UNC5D: variants seen among roughly 807,000 people sequenced by gnomAD.
The protein encoded by UNC5D is netrin receptor UNC5D.
Under a neutral mutation model 105.4 loss-of-function variants are expected in UNC5D, and 39 were observed. The ratio of observed to expected loss-of-function variants is 0.37; its 90% CI spans 0.29 to 0.48. The LOEUF (loss-of-function observed/expected upper bound fraction) is 0.48. Ranked by LOEUF, UNC5D falls within the 20% of genes least tolerant of loss-of-function variation. The probability of loss-of-function intolerance (pLI) is 0.98; values close to 1 mark genes in which losing one functional copy is unlikely to be tolerated. For synonymous variants in UNC5D, 452 were observed against 450.4 expected (o/e 1.00, Z -0.04); for missense variants, 991 against 1,202.4 (o/e 0.82, Z 2.60).
chr8:35,723,840 G>A (rs535057742), intron 9 of UNC5D, among the ~76,000 whole-genome samples: 1 of 152,024 alleles, frequency 6.6e-6, no homozygotes, highest in Non-Finnish European at 1.5e-5. Context: ...GCATAAGTCC[G>A]TAGGCTTTGA....
intron 7 of UNC5D, among the ~76,000 whole-genome samples, chr8:35,687,462 A>G (rs1317776554): frequency 6.6e-6 from 1 of 151,642 alleles, no homozygotes; most frequent in Non-Finnish European, 1.5e-5. Flanking sequence ...AAAAAAAAAA[A>G]AGTTATGGGG....
intron 16 of UNC5D, among the ~76,000 whole-genome samples, chr8:35,777,870 G>A (rs549678409): frequency 6.6e-6 from 1 of 152,270 alleles, no homozygotes; most frequent in African/African-American, 2.4e-5. Context: ...AAGAAAGAGG[G>A]AAGAAGATGA....
chr8:35,687,441 CA>C (rs34104800), intron 7 of UNC5D, among the ~76,000 whole-genome samples: 3,837 of 53,126 alleles, frequency 0.072, 66 homozygotes, highest in East Asian at 0.18. Context: ...GACTCCGTCT[CA>C]AAAAAAAAAA....
intron 1 of UNC5D, among the ~76,000 whole-genome samples, chr8:35,503,984 C>T (rs996912773): frequency 9.2e-5 from 14 of 152,272 alleles, no homozygotes; most frequent in South Asian, 2.1e-4. Context: ...TTATCACTCA[C>T]GCTTTTAACC....
chr8:35,593,648 G>C (rs1014998815), intron 3 of UNC5D, among the ~76,000 whole-genome samples: 2 of 152,090 alleles, frequency 1.3e-5, no homozygotes, highest in South Asian at 2.1e-4. Flanking sequence ...TGTAGCCCTA[G>C]CTACTTGGGA....
In UNC5D at chr8:35,611,797, C is replaced by T. The variant is rs543480353; in HGVS notation, c.570+16140C>T. The stretch of plus-strand genomic sequence containing the variant: ...CCAATTTGCTCTTTTCAAAACAATT[C>T]ATTATCCCACACTGCACTTTTTTAT... On this transcript the variant is annotated intron_variant, in intron 4 of 16. Coordinates refer to ENST00000404895, the MANE Select transcript of UNC5D (RefSeq NM_080872.4). Among the ~76,000 whole-genome samples the T allele has an allele frequency of 2.6e-5, 4 of 152,294 alleles. No homozygotes were observed. In the East Asian group the frequency reaches 7.7e-4, roughly 29 times the overall value.
At chr8:35,755,818 A>C (rs1035582481) in intron 13 of UNC5D, among the ~76,000 whole-genome samples, 3 of 152,240 alleles carry the variant, frequency 2.0e-5, no homozygotes, top group African/African-American at 7.2e-5. Flanking sequence ...GGTATTTAAC[A>C]GGAGGTCCTT....
At chr8:35,745,253 T>C (rs531029399) in intron 11 of UNC5D, among the ~76,000 whole-genome samples, 1 of 152,300 alleles carries the variant, frequency 6.6e-6, no homozygotes, top group African/African-American at 2.4e-5. Context: ...CATCAGTAGA[T>C]GTCAGTTAAG....
At chr8:35,618,134 C>G (rs1821143949) in intron 4 of UNC5D, among the ~76,000 whole-genome samples, 1 of 152,102 alleles carries the variant, frequency 6.6e-6, no homozygotes, top group East Asian at 1.9e-4. Context: ...TGCAGGGAAA[C>G]AAAAAACAGA....
At position 35,272,350 on chromosome 8, in the gene UNC5D, C is replaced by T. The variant is rs567003764; in HGVS notation, c.103+36463C>T. 3.9e-5 allele frequency among the ~76,000 whole-genome samples: 6 copies of T among 152,140 alleles called. No individual in the cohort carries two copies. The South Asian group carries it at 1.0e-3, about 26-fold the overall frequency. On this transcript the variant is annotated intron_variant, in intron 1 of 16. Coordinates refer to ENST00000404895, the MANE Select transcript of UNC5D (RefSeq NM_080872.4). The stretch of plus-strand genomic sequence containing the variant: ...TGGGCTCTGAGTGCAGACCAGCTTG[C>T]GGGAAGTTCACTGGTCACACCCTGG...
At chr8:35,547,020 C>G (rs1815732600) in intron 1 of UNC5D, among the ~76,000 whole-genome samples, 1 of 152,022 alleles carries the variant, frequency 6.6e-6, no homozygotes, top group South Asian at 2.1e-4. Flanking sequence ...CTCTTAAACT[C>G]TGTGTTATGT....
intron 4 of UNC5D, among the ~76,000 whole-genome samples, chr8:35,657,080 G>GTGTGTA (rs1281641556): frequency 1.4e-3 from 63 of 46,514 alleles, no homozygotes; most frequent in Non-Finnish European, 1.6e-3. Context: ...GTGTGTGTGT[G>GTGTGTA]TATATATATA....
rs1482177998 is a variant in UNC5D, at chr8:35,555,898, CACACACACACA to C, written c.322+6389_322+6399del. Among the ~76,000 whole-genome samples the C allele has an allele frequency of 2.1e-3, 311 of 148,960 alleles. 14 individuals are homozygous for C. The highest frequency in any genetic ancestry group is 7.2e-3 in the African/African-American group (292 of 40,594). ...CAGCACACACACACACACACACACACACACACACACACACACACACACACACAGAAAAAGAA... is the reference window on the plus strand; with the variant it reads ...CAGCACACACACACACACACACACACCACACACACACACACAGAAAAAGAA... On this transcript the variant is annotated intron_variant, in intron 2 of 16. Coordinates refer to ENST00000404895, the MANE Select transcript of UNC5D (RefSeq NM_080872.4).
chr8:35,340,520 G>GAAAA, intron 1 of UNC5D, among the ~76,000 whole-genome samples: 1 of 152,146 alleles, frequency 6.6e-6, no homozygotes, highest in Non-Finnish European at 1.5e-5. Flanking sequence ...ATTGGAGAAA[G>GAAAA]TATCTCTGGT....
chr8:35,750,953 T>C, intron 13 of UNC5D, 144 bp downstream of exon 13: 1 of 909,392 alleles, frequency 1.1e-6, no homozygotes, highest in East Asian at 2.6e-5. Flanking sequence ...TCACCTTGCC[T>C]GCTGCCTAGA....
At chr8:35,709,374 A>T (rs1009429817) in intron 8 of UNC5D, among the ~76,000 whole-genome samples, 3 of 152,120 alleles carry the variant, frequency 2.0e-5, no homozygotes, top group Non-Finnish European at 2.9e-5. Context: ...TTTTTGATGT[A>T]AAGTGTTCAG....
intron 1 of UNC5D, among the ~76,000 whole-genome samples, chr8:35,498,917 A>T (rs1811793672): frequency 6.6e-6 from 1 of 152,202 alleles, no homozygotes; most frequent in African/African-American, 2.4e-5. Context: ...ATTTGCTTCC[A>T]AGCATTCAGC....
chr8:35,546,221 C>A (rs1815666934), intron 1 of UNC5D, among the ~76,000 whole-genome samples: 1 of 152,104 alleles, frequency 6.6e-6, no homozygotes. Flanking sequence ...TAAGGGGGAT[C>A]CTCGGGTAGC....
intron 4 of UNC5D, among the ~76,000 whole-genome samples, chr8:35,669,916 T>C (rs1167285858): frequency 4.6e-5 from 7 of 152,148 alleles, no homozygotes; most frequent in Non-Finnish European, 1.0e-4. Context: ...CCAGAGTCTG[T>C]AGCACAAGAG....
Sources: gnomAD v4.1 joint callset for allele counts (sites outside exome capture counted in the v4.1 genomes callset) on GRCh38, gnomAD v4.1.1 for gene constraint, MANE v1.5 for transcripts, NCBI Gene and HGNC (gene_info 2026-07-23, HGNC 2026-07-21) for gene names.